Variants in FAM163B observed in about 807,000 individuals in gnomAD.
The protein encoded by FAM163B is family with sequence similarity 163 member B.
A neutral mutation model predicts 7.6 loss-of-function variants in FAM163B; 4 were observed. The observed-to-expected ratio is 0.52, with a 90% confidence interval of 0.26 to 1.20. The LOEUF (loss-of-function observed/expected upper bound fraction) is 1.20, where lower values mean the gene tolerates loss of function less well. Ranked by LOEUF, FAM163B falls within the 50% of genes most tolerant of loss-of-function variation. FAM163B has a pLI of 0.14. For synonymous variants in FAM163B, 120 were observed against 111.6 expected (o/e 1.07, Z -0.47); for missense variants, 250 against 243.0 (o/e 1.03, Z -0.19).
At chr9:133,582,397 G>A (rs1289876779) in intron 1 of FAM163B, among the ~76,000 whole-genome samples, 5 of 152,188 alleles carry the variant, frequency 3.3e-5, no homozygotes, top group African/African-American at 7.2e-5. Flanking sequence ...GCAAACCGAG[G>A]CCTGGAGAGA....
At chr9:133,599,575 T>G (rs2318358) in intron 1 of FAM163B, among the ~76,000 whole-genome samples, 105,579 of 150,624 alleles carry the variant, frequency 0.7, 37,427 homozygotes, top group African/African-American at 0.82. Context: ...TGTGTATGCA[T>G]GTATGTGTCC....
intron 1 of FAM163B, among the ~76,000 whole-genome samples, chr9:133,594,245 T>C (rs564458228): frequency 2.0e-5 from 3 of 152,326 alleles, no homozygotes; most frequent in Admixed American, 6.5e-5. Flanking sequence ...GGAACACAGC[T>C]CCTGATCTAG....
rs944544634 is a variant in FAM163B, at chr9:133,579,394, G to A, written c.129C>T (p.Asp43=). Residue 43 remains aspartate (D), a synonymous_variant, in exon 3 of 3, where the codon GAC becomes GAT. Transcript: ENST00000673969. Reference sequence around the variant, plus strand: ...GAACGGCGAAGTCTGGTTCCTCCTCGTCCTCCTCCGACTCGTCCTTCTTGC... The same window carrying A: ...GAACGGCGAAGTCTGGTTCCTCCTCATCCTCCTCCGACTCGTCCTTCTTGC... The part of the protein sequence containing the change: ...YCCKKDESEE[D]EEEPDFAVHS... 3.9e-5 allele frequency: 62 copies of A among 1,608,936 alleles called. No individual in the cohort carries two copies. Among genetic ancestry groups the A allele is most frequent in the Non-Finnish European group, 4.8e-5 (57 of 1,178,350 alleles).
At chr9:133,593,711 G>A (rs941119660) in intron 1 of FAM163B, among the ~76,000 whole-genome samples, 1 of 152,228 alleles carries the variant, frequency 6.6e-6, no homozygotes. Flanking sequence ...AGTCAGCTGT[G>A]TGCCAAGCAC....
intron 1 of FAM163B, among the ~76,000 whole-genome samples, chr9:133,593,584 G>T (rs1351030007): frequency 1.3e-5 from 2 of 152,186 alleles, no homozygotes; most frequent in African/African-American, 2.4e-5. Flanking sequence ...GGCTTAGGCA[G>T]GAATCCAGAC....
In FAM163B at chr9:133,580,194, C is replaced by A; in HGVS notation, c.30G>T (p.Gly10=). MTAGTVVIT[G]GILATVILLC... is the part of the protein sequence containing the mutation. ...GCAAAATCACAGTCGCCAAGATGCC[C>A]CCGGTGATGACCACGGTCCCGGCTG... The change falls in exon 2 of 3, where the codon GGG becomes GGT. Residue 10 remains glycine (G), a synonymous_variant. Coordinates refer to ENST00000673969, the MANE Select transcript of FAM163B (RefSeq NM_001080515.3). 1 of 1,613,600 alleles carries A rather than the reference C, an allele frequency of 6.2e-7. No individual in the cohort carries two copies. The highest frequency in any genetic ancestry group is 8.5e-7 in the Non-Finnish European group (1 of 1,180,030).
rs1325949054 is a variant in FAM163B at position 133,606,944 on chromosome 9, C to G, written c.-24+2133G>C. 6.6e-6 allele frequency among the ~76,000 whole-genome samples: 1 copy of G among 152,194 alleles called. No individual in the cohort carries two copies. Among genetic ancestry groups the G allele is most frequent in the African/African-American group, 2.4e-5 (1 of 41,452 alleles). ...GGGTCTCCATGCTGTGAAGCCTCAC[C>G]CAGAACCAGCACCAGAAAAGTCAGG... On this transcript the variant is annotated intron_variant, in intron 1 of 2. Transcript: ENST00000673969. The surrounding 1 kb of genome is among the most constrained non-coding windows in gnomAD (Gnocchi z 4.0).
chr9:133,605,998 C>T (rs1831785022), intron 1 of FAM163B, among the ~76,000 whole-genome samples: 1 of 152,214 alleles, frequency 6.6e-6, no homozygotes, highest in Admixed American at 6.5e-5. Context: ...TCCCTCCGGG[C>T]TCCCAGAGCC....
chr9:133,578,688 A>C lies in FAM163B; in HGVS notation c.*334T>G. The C allele has an allele frequency of 1.0e-5, 3 of 296,894 alleles. No homozygotes were observed. Among genetic ancestry groups the C allele is most frequent in the Non-Finnish European group, 1.9e-5 (3 of 161,528 alleles). 18.4% of individuals were successfully genotyped at this position (296,894 alleles called of 1,614,324 possible). A position where few individuals can be genotyped will look rare whatever the true frequency, so the allele number is the denominator to read the frequency against. On this transcript the variant is annotated 3_prime_UTR_variant, in exon 3 of 3. Transcript: ENST00000673969. ...GGTGACACATGGAGACCTCCTGGGA[A>C]GGCCAGGTTGTTGGGTCTGAGACAG...
chr9:133,579,091 G>A lies in FAM163B; in HGVS notation c.432C>T (p.Leu144=), dbSNP rs761996588. The change falls in exon 3 of 3, where the codon CTC becomes CTT. Residue 144 remains leucine, a synonymous_variant. Transcript: ENST00000673969. ...PPGGFGGLQA[L]NPNRLSAMRE... ...GCATGGCTGAGAGGCGGTTGGGGTTGAGCGCCTGCAGGCCCCCGAAGCCCC... is the reference window on the plus strand; with the variant it reads ...GCATGGCTGAGAGGCGGTTGGGGTTAAGCGCCTGCAGGCCCCCGAAGCCCC... 1 of 1,595,842 alleles carries A rather than the reference G, an allele frequency of 6.3e-7. No individual in the cohort carries two copies.
intron 1 of FAM163B, among the ~76,000 whole-genome samples, chr9:133,591,415 G>T (rs536708814): frequency 6.6e-6 from 1 of 152,178 alleles, no homozygotes; most frequent in African/African-American, 2.4e-5. Context: ...ACATTTTCCT[G>T]TTGGGGCCGT....
chr9:133,605,296 A>AG (rs1355183350), intron 1 of FAM163B, among the ~76,000 whole-genome samples: 1 of 152,134 alleles, frequency 6.6e-6, no homozygotes, highest in Non-Finnish European at 1.5e-5. Flanking sequence ...TAACCTCACG[A>AG]GGGACGCATA....
intron 1 of FAM163B, among the ~76,000 whole-genome samples, chr9:133,583,749 G>T (rs1179750644): frequency 6.6e-6 from 1 of 152,228 alleles, no homozygotes; most frequent in African/African-American, 2.4e-5. Flanking sequence ...TGCCGGCTCA[G>T]GCCAGGTGCC....
intron 1 of FAM163B, among the ~76,000 whole-genome samples, chr9:133,598,248 C>G (rs80023900): frequency 0.016 from 2,378 of 152,098 alleles, 71 homozygotes; most frequent in East Asian, 0.13. Flanking sequence ...CAGGGGCTCT[C>G]CCCCTGGGGA....
At chr9:133,586,926 G>T (rs938985158) in intron 1 of FAM163B, among the ~76,000 whole-genome samples, 11 of 152,204 alleles carry the variant, frequency 7.2e-5, no homozygotes, top group Non-Finnish European at 1.3e-4. Context: ...GCTTTCCCAG[G>T]TGGTGGCGTG....
chr9:133,597,506 G>A (rs956119603), intron 1 of FAM163B, among the ~76,000 whole-genome samples: 1 of 152,156 alleles, frequency 6.6e-6, no homozygotes, highest in Non-Finnish European at 1.5e-5. Context: ...AGTTCAAGGG[G>A]TCTAATATAC....
chr9:133,579,492 A>G, intron 2 of FAM163B, 63 bp from the exon 3 acceptor site: 1 of 1,495,342 alleles, frequency 6.7e-7, no homozygotes, highest in South Asian at 1.3e-5. Context: ...GACATGTGGG[A>G]AAGGCTACCC....
At chr9:133,604,464 G>A (rs537953978) in intron 1 of FAM163B, among the ~76,000 whole-genome samples, 2 of 152,074 alleles carry the variant, frequency 1.3e-5, no homozygotes, top group East Asian at 1.9e-4. Context: ...CCAGGAAACC[G>A]GGGGCTTTTA....
chr9:133,592,771 C>G (rs1426499365), intron 1 of FAM163B, among the ~76,000 whole-genome samples: 1 of 152,212 alleles, frequency 6.6e-6, no homozygotes, highest in African/African-American at 2.4e-5. Flanking sequence ...CCCACCCAGG[C>G]CGGCGGGGGG....
Sources: allele counts gnomAD v4.1 joint callset (sites outside exome capture counted in the v4.1 genomes callset), GRCh38; gene constraint gnomAD v4.1.1; non-coding constraint Gnocchi (gnomAD v3.1); transcripts MANE v1.5; gene names NCBI Gene and HGNC (gene_info 2026-07-23, HGNC 2026-07-21).